Variants in PRR11 observed in about 807,000 individuals in gnomAD.
The protein encoded by PRR11 is proline rich 11.
PRR11 carries 30 observed loss-of-function variants against 45.6 expected under a neutral mutation model. The observed-to-expected ratio is 0.66, with a 90% CI of 0.49 to 0.89. The LOEUF (loss-of-function observed/expected upper bound fraction) is 0.89, where lower values mean the gene tolerates loss of function less well. PRR11 is among the 40% of genes least tolerant of loss of function. The pLI is 0.00. For synonymous variants in PRR11, 128 were observed against 153.5 expected, an observed-to-expected ratio of 0.83 and a Z score of 1.23; for missense variants, 373 against 424.8, an observed-to-expected ratio of 0.88 and a Z score of 1.07.
intron 1 of PRR11, among the ~76,000 whole-genome samples, chr17:59,156,981 C>T (rs2046628316): frequency 6.6e-6 from 1 of 152,218 alleles, no homozygotes; most frequent in Admixed American, 6.5e-5. Context: ...GCAGCGCCAA[C>T]TCCTGCAAAA....
chr17:59,179,276 G>A (rs1212371880), intron 2 of PRR11, among the ~76,000 whole-genome samples: 3 of 152,104 alleles, frequency 2.0e-5, no homozygotes, highest in African/African-American at 7.2e-5. Flanking sequence ...TTGAGCTACT[G>A]TGCTTTTTCT....
At chr17:59,164,600 G>A (rs1052196766) in intron 1 of PRR11, among the ~76,000 whole-genome samples, 3 of 152,050 alleles carry the variant, frequency 2.0e-5, no homozygotes, top group Non-Finnish European at 2.9e-5. Flanking sequence ...CCCAATCAGT[G>A]GACTCAGCCT....
rs191621495 is a variant in PRR11 at position 59,194,674 on chromosome 17, G to A, written c.646-83G>A. ...GATAAGAGTTACCTCTTAACTCTGA[G>A]TCTTTAAAAACTAGATTTGGATTTG... On this transcript the variant is annotated intron_variant, in intron 5 of 9. Coordinates refer to ENST00000262293, the MANE Select transcript of PRR11 (RefSeq NM_018304.4). The A allele has an allele frequency of 1.1e-3, 1,091 of 1,037,492 alleles. 7 individuals carry two copies. In the African/African-American group the frequency reaches 0.016, roughly 15 times the overall value. The allele number at this position is 1,037,492 out of a possible 1,614,324, so 64.3% of individuals were successfully genotyped here.
chr17:59,193,679 C>T lies in PRR11; in HGVS notation c.590C>T (p.Pro197Leu). ...PPPPPPLPPP[P>L]PPLAPVLLRK... ...CCACCTCCACCTCTGCCACCTCCTC[C>T]ACCACCACTAGCACCTGTGTTGCTC... The change falls in exon 5 of 10, where the codon CCA (proline) becomes CTA (leucine). Residue 197 changes from proline (P) to leucine (L), a missense_variant. Transcript: ENST00000262293. 9 of 1,614,070 alleles carry T rather than the reference C, an allele frequency of 5.6e-6. No individual in the cohort carries two copies. The highest frequency in any genetic ancestry group is 7.6e-6 in the Non-Finnish European group (9 of 1,179,906).
chr17:59,177,646 T>C (rs563265917), intron 2 of PRR11, among the ~76,000 whole-genome samples: 2 of 152,090 alleles, frequency 1.3e-5, no homozygotes, highest in African/African-American at 2.4e-5. Context: ...AAATGACCCA[T>C]AGGAGAGGCA....
intron 1 of PRR11, among the ~76,000 whole-genome samples, chr17:59,156,693 C>T (rs889405236): frequency 6.6e-6 from 1 of 150,846 alleles, no homozygotes. Context: ...CGGAGTCTCG[C>T]TCTGTCGCCT....
rs1349308661 is a variant in PRR11, at chr17:59,178,417, C to A, written c.129-6637C>A. On this transcript the variant is annotated intron_variant, in intron 2 of 9. Coordinates refer to ENST00000262293, the MANE Select transcript of PRR11 (RefSeq NM_018304.4). ...GGAACTGTGGGTTTAGAAGCTGCAC[C>A]CTCCCCCTGGCAGTGCACTGAAGCA... 6.3e-6 allele frequency: 3 copies of A among 477,756 alleles called. No individual in the cohort carries two copies. In the Admixed American group the frequency reaches 6.5e-5, roughly 10 times the overall value. The allele number at this position is 477,756 out of a possible 1,614,324, so 29.6% of individuals were successfully genotyped here.
intron 2 of PRR11, among the ~76,000 whole-genome samples, chr17:59,171,168 C>T (rs2046706364): frequency 6.6e-6 from 1 of 152,004 alleles, no homozygotes; most frequent in Admixed American, 6.6e-5. Context: ...GAGGCTGAAG[C>T]AGGAGAATGG....
intron 1 of PRR11, among the ~76,000 whole-genome samples, chr17:59,165,787 T>A (rs1038479738): frequency 2.0e-5 from 3 of 151,754 alleles, no homozygotes; most frequent in African/African-American, 7.3e-5. Flanking sequence ...AGCAAAACTC[T>A]GTCTCAAAAA....
At chr17:59,161,913 T>C (rs1244909157) in intron 1 of PRR11, among the ~76,000 whole-genome samples, 2 of 152,242 alleles carry the variant, frequency 1.3e-5, no homozygotes, top group Non-Finnish European at 2.9e-5. Flanking sequence ...GACTGCTATA[T>C]ACTCTTTCAA....
rs77410563 is a variant in PRR11, at chr17:59,192,720, A to G, written c.403-772A>G. On this transcript the variant is annotated intron_variant, in intron 4 of 9. Transcript: ENST00000262293. ...TAGAATGGATTAGGACCCCCACCCT[A>G]ACGGCCTCATTTTAACTTAATCACC... Among the ~76,000 whole-genome samples, 4 of 152,184 alleles carry G rather than the reference A, an allele frequency of 2.6e-5. No individual in the cohort carries two copies. The East Asian group carries it at 7.7e-4, about 29-fold the overall frequency.
intron 9 of PRR11, among the ~76,000 whole-genome samples, chr17:59,198,994 A>G (rs2046879710): frequency 6.6e-6 from 1 of 152,192 alleles, no homozygotes; most frequent in Non-Finnish European, 1.5e-5. Flanking sequence ...AGTGGTAAGC[A>G]AAAACAGATA....
chr17:59,170,351 A>G (rs1214506165), intron 2 of PRR11, among the ~76,000 whole-genome samples: 1 of 152,074 alleles, frequency 6.6e-6, no homozygotes, highest in Non-Finnish European at 1.5e-5. Context: ...GAATATATTT[A>G]TACTAAAATT....
In PRR11 at chr17:59,181,581, C is replaced by T. The variant is rs12051853; in HGVS notation, c.129-3473C>T. 2,100 of 1,342,082 alleles carry T rather than the reference C, an allele frequency of 1.6e-3. 34 individuals carry two copies. In the East Asian group the frequency reaches 0.029, roughly 18 times the overall value. 83.1% of individuals were successfully genotyped at this position (1,342,082 alleles called of 1,614,324 possible). On this transcript the variant is annotated intron_variant, in intron 2 of 9. Coordinates refer to ENST00000262293, the MANE Select transcript of PRR11 (RefSeq NM_018304.4). ...ACACTAGCCGTTGCTTCAGCTTCAGCTTCATTTTGAGCCCACACAGCATCT... is the reference window on the plus strand; with the variant it reads ...ACACTAGCCGTTGCTTCAGCTTCAGTTTCATTTTGAGCCCACACAGCATCT...
chr17:59,205,928 A>G lies in PRR11; in HGVS notation c.*4297A>G, dbSNP rs989076576. On this transcript the variant is annotated 3_prime_UTR_variant, in exon 10 of 10. Transcript: ENST00000262293. ...TATCTGGGTGTGGTGGCATGTGCCT[A>G]TAGTCTCAGCTTCTCAGAAGACTGA... Among the ~76,000 whole-genome samples the G allele has an allele frequency of 1.3e-5, 2 of 151,896 alleles. No individual in the cohort carries two copies. The highest frequency in any genetic ancestry group is 2.9e-5 in the Non-Finnish European group (2 of 67,974).
rs547219065 is a variant in PRR11 at position 59,158,141 on chromosome 17, T to C, written c.-6+2336T>C. 3.3e-5 allele frequency among the ~76,000 whole-genome samples: 5 copies of C among 152,242 alleles called. No individual in the cohort carries two copies. In the South Asian group the frequency reaches 8.3e-4, roughly 25 times the overall value. On this transcript the variant is annotated intron_variant, in intron 1 of 9. Transcript: ENST00000262293. ...AAAATGAACTGGCAAGGAGAAAGAC[T>C]GAAGGCAGGAGAATCATTGAAGGAA...
intron 7 of PRR11, among the ~76,000 whole-genome samples, 155 bp downstream of exon 7, chr17:59,195,598 A>C (rs1797820225): frequency 6.6e-6 from 1 of 152,224 alleles, no homozygotes; most frequent in African/African-American, 2.4e-5. Context: ...TCTACAGAAA[A>C]GTTTAAAAAA....
At chr17:59,194,928 C>T in intron 6 of PRR11, 73 bp downstream of exon 6, 1 of 1,239,388 alleles carries the variant, frequency 8.1e-7, no homozygotes, top group Non-Finnish European at 1.2e-6. Context: ...AATCCCAGCA[C>T]TTTGGGAGAC....
Position 59,193,740 on chromosome 17 carries a change from T to A in PRR11, c.645+6T>A. 6.2e-7 allele frequency: 1 copy of A among 1,613,008 alleles called. No homozygotes were observed. Among genetic ancestry groups the A allele is most frequent in the Non-Finnish European group, 8.5e-7 (1 of 1,179,038 alleles). On this transcript the variant is annotated splice_donor_region_variant and intron_variant, in intron 5 of 9. Transcript: ENST00000262293. ...GTCTCGCTAAAGCACTTCAGGTAGG[T>A]AACAATCTAGTAATGATATGTTTTG...
Sources: gnomAD v4.1 joint callset for allele counts (sites outside exome capture counted in the v4.1 genomes callset) on GRCh38, gnomAD v4.1.1 for gene constraint, MANE v1.5 for transcripts, NCBI Gene and HGNC (gene_info 2026-07-23, HGNC 2026-07-21) for gene names.